The following SEZ6L variants were observed in gnomAD, a reference collection of about 807,000 sequenced individuals.
The protein encoded by SEZ6L is seizure 6-like protein.
Under a neutral mutation model 106.2 loss-of-function variants are expected in SEZ6L, and 37 were observed. The observed-to-expected ratio is 0.35, with a 90% CI of 0.27 to 0.46. The LOEUF (loss-of-function observed/expected upper bound fraction) is 0.46. Ranked by LOEUF, SEZ6L falls within the 20% of genes least tolerant of loss-of-function variation. The pLI, the probability that SEZ6L is intolerant of heterozygous loss-of-function variation, is 1.00. For missense variants in SEZ6L, 1,172 were observed against 1,332.8 expected, an observed-to-expected ratio of 0.88 and a Z score of 1.88; for synonymous variants, 541 against 570.4, an observed-to-expected ratio of 0.95 and a Z score of 0.73.
intron 13 of SEZ6L, among the ~76,000 whole-genome samples, chr22:26,366,325 T>A (rs1448891383): frequency 6.9e-6 from 1 of 144,506 alleles, no homozygotes; most frequent in Admixed American, 6.9e-5. Context: ...CACAGCGAGA[T>A]TCTATCTAAA....
In SEZ6L at chr22:26,299,188, C is replaced by A; in HGVS notation, c.1348+19C>A. The A allele has an allele frequency of 7.2e-7, 1 of 1,389,514 alleles. No homozygotes were observed. The highest frequency in any genetic ancestry group is 2.9e-5 in the Admixed American group (1 of 34,500). 86.1% of individuals were successfully genotyped at this position (1,389,514 alleles called of 1,614,324 possible). On this transcript the variant is annotated intron_variant, in intron 5 of 16. Transcript: ENST00000248933. Reference sequence around the variant, plus strand: ...TGCTCAGGTATGCTCCAGCCTCAGCCGGACCAAACCTGATGGTCCAACTAA... The same window carrying A: ...TGCTCAGGTATGCTCCAGCCTCAGCAGGACCAAACCTGATGGTCCAACTAA...
intron 9 of SEZ6L, among the ~76,000 whole-genome samples, chr22:26,326,093 G>A (rs1479121217): frequency 6.6e-6 from 1 of 152,136 alleles, no homozygotes; most frequent in East Asian, 1.9e-4. Flanking sequence ...TGGTAACTTG[G>A]AAACACAAGC....
At chr22:26,278,544 T>C (rs1286522338) in intron 1 of SEZ6L, among the ~76,000 whole-genome samples, 1 of 152,180 alleles carries the variant, frequency 6.6e-6, no homozygotes, top group East Asian at 1.9e-4. Context: ...ATGCAGTATT[T>C]GGTTTTGTGT....
At chr22:26,242,525 A>C (rs908776523) in intron 1 of SEZ6L, among the ~76,000 whole-genome samples, 1 of 152,202 alleles carries the variant, frequency 6.6e-6, no homozygotes, top group African/African-American at 2.4e-5. Flanking sequence ...GAAACTGGAA[A>C]AGTGGTTTAA....
In SEZ6L at chr22:26,351,060, T is replaced by C; in HGVS notation, c.2416T>C (p.Cys806Arg). The C allele has an allele frequency of 6.2e-7, 1 of 1,613,636 alleles. No individual in the cohort carries two copies. Among genetic ancestry groups the C allele is most frequent in the Non-Finnish European group, 8.5e-7 (1 of 1,179,808 alleles). The change falls in exon 12 of 17, where the codon TGC (cysteine) becomes CGC (arginine). Residue 806 changes from cysteine to arginine, a missense_variant. Cys to Arg is a radical substitution (Grantham distance 180, BLOSUM62 -3). Coordinates refer to ENST00000248933, the MANE Select transcript of SEZ6L (RefSeq NM_021115.5). ...DPPFCEKIMY[C>R]TDPGEVDHST... is the part of the protein sequence containing the mutation. ...GGTTTCATCCCGTGTAGTTATGTAC[T>C]GCACCGACCCCGGAGAGGTGGATCA...
At position 26,310,789 on chromosome 22, in the gene SEZ6L, C is replaced by T. The variant is rs190114018; in HGVS notation, c.1634C>T (p.Thr545Met). The change falls in exon 7 of 17, where the codon ACG (threonine) becomes ATG (methionine). Residue 545 changes from threonine (T) to methionine (M), a missense_variant. Transcript: ENST00000248933. ...SEGNTIRIEF[T>M]SDQARAASTF... is the part of the protein sequence containing the mutation. ...GGCAACACCATCCGCATCGAGTTCACGTCCGACCAGGCCCGGGCGGCCTCC... is the reference window on the plus strand; with the variant it reads ...GGCAACACCATCCGCATCGAGTTCATGTCCGACCAGGCCCGGGCGGCCTCC... 3.2e-5 allele frequency: 52 copies of T among 1,614,156 alleles called. No individual in the cohort carries two copies. The Middle Eastern group carries it at 4.9e-4, about 15-fold the overall frequency.
chr22:26,217,554 C>T (rs571247518), intron 1 of SEZ6L, among the ~76,000 whole-genome samples: 32 of 152,294 alleles, frequency 2.1e-4, no homozygotes, highest in African/African-American at 3.6e-4. Context: ...CTGGGGTATC[C>T]GTCTATTAGT....
At chr22:26,316,141 G>T (rs2081990654) in intron 9 of SEZ6L, among the ~76,000 whole-genome samples, 1 of 152,198 alleles carries the variant, frequency 6.6e-6, no homozygotes, top group African/African-American at 2.4e-5. Flanking sequence ...TCTGGAATAA[G>T]ATGCTTATTC....
chr22:26,276,982 T>C (rs1176216082), intron 1 of SEZ6L, among the ~76,000 whole-genome samples: 1 of 152,042 alleles, frequency 6.6e-6, no homozygotes, highest in Non-Finnish European at 1.5e-5. Flanking sequence ...TAACTGGACA[T>C]AAAAGAATGT....
intron 1 of SEZ6L, among the ~76,000 whole-genome samples, chr22:26,249,218 A>C (rs1186213677): frequency 6.6e-6 from 1 of 152,126 alleles, no homozygotes; most frequent in African/African-American, 2.4e-5. Flanking sequence ...ATATACAATC[A>C]ATTGTTAATT....
At chr22:26,234,355 G>A (rs2078892868) in intron 1 of SEZ6L, among the ~76,000 whole-genome samples, 2 of 152,232 alleles carry the variant, frequency 1.3e-5, no homozygotes, top group African/African-American at 4.8e-5. Flanking sequence ...AGCAGAGAGA[G>A]GGGAACTTAA....
chr22:26,249,995 T>C (rs150113743), intron 1 of SEZ6L, among the ~76,000 whole-genome samples: 1 of 152,298 alleles, frequency 6.6e-6, no homozygotes, highest in East Asian at 1.9e-4. Context: ...ATTCAGCACA[T>C]TGTCACATTT....
intron 1 of SEZ6L, among the ~76,000 whole-genome samples, chr22:26,289,732 C>T (rs562532504): frequency 4.6e-5 from 7 of 152,288 alleles, no homozygotes; most frequent in African/African-American, 1.4e-4. Context: ...AAGCCACCGC[C>T]GCCAACTCCA....
At chr22:26,308,034 A>AT (rs1248061130) in intron 6 of SEZ6L, among the ~76,000 whole-genome samples, 1 of 152,190 alleles carries the variant, frequency 6.6e-6, no homozygotes, top group Non-Finnish European at 1.5e-5. Context: ...TCAAGGTTAA[A>AT]GGTCAACACA....
chr22:26,222,986 CAAA>C lies in SEZ6L; in HGVS notation c.94+53235_94+53237del, dbSNP rs11344783. 5.4e-5 allele frequency among the ~76,000 whole-genome samples: 8 copies of C among 147,106 alleles called. No individual in the cohort carries two copies. In the South Asian group the frequency reaches 8.6e-4, roughly 16 times the overall value. Reference sequence around the variant, plus strand: ...CAATGATGCATGGGACAGCCTCCCACAAAAAAAAAAAAAATTATCTGGCCCCAA... The same window carrying C: ...CAATGATGCATGGGACAGCCTCCCACAAAAAAAAAAATTATCTGGCCCCAA... On this transcript the variant is annotated intron_variant, in intron 1 of 16. Transcript: ENST00000248933.
chr22:26,336,620 G>A (rs1601535245), intron 9 of SEZ6L, among the ~76,000 whole-genome samples: 1 of 152,270 alleles, frequency 6.6e-6, no homozygotes, highest in East Asian at 1.9e-4. Flanking sequence ...AGAAGAAATT[G>A]CATTTAATGG....
intron 11 of SEZ6L, among the ~76,000 whole-genome samples, 153 bp downstream of exon 11, chr22:26,348,066 A>G (rs1404640137): frequency 6.6e-6 from 1 of 152,168 alleles, no homozygotes; most frequent in Non-Finnish European, 1.5e-5. Flanking sequence ...ATGTCATTTT[A>G]TAGCTGTCAG....
intron 1 of SEZ6L, among the ~76,000 whole-genome samples, chr22:26,292,014 AGGAAGGAAGGAAGGAAGGAAGGATGGAT>A (rs1404025561): frequency 2.8e-4 from 37 of 130,298 alleles, no homozygotes; most frequent in African/African-American, 1.2e-3. Flanking sequence ...GAAGGAAGGA[AGGAAGGAAGGAAGGAAGGAAGGATGGAT>A]GGAAGGAAAG....
intron 1 of SEZ6L, among the ~76,000 whole-genome samples, chr22:26,214,682 A>G (rs2078250651): frequency 6.6e-6 from 1 of 152,196 alleles, no homozygotes; most frequent in Non-Finnish European, 1.5e-5. Context: ...GCTTCAACAA[A>G]AGGATTTTGG....
Sources: allele counts gnomAD v4.1 joint callset (sites outside exome capture counted in the v4.1 genomes callset), GRCh38; gene constraint gnomAD v4.1.1; transcripts MANE v1.5; gene names NCBI Gene and HGNC (gene_info 2026-07-23, HGNC 2026-07-21).